STYK1: variants seen among roughly 807,000 people sequenced by gnomAD.
The protein encoded by STYK1 is STY kinase 1, also known as tyrosine-protein kinase STYK1.
A neutral mutation model predicts 48.1 loss-of-function variants in STYK1; 46 were observed. The ratio of observed to expected loss-of-function variants is 0.96; its 90% confidence interval spans 0.75 to 1.22. The LOEUF is 1.22. Among genes scored for constraint, STYK1 ranks in the 50% most tolerant of loss-of-function variants. STYK1 has a pLI of 0.00. For missense variants in STYK1, 527 were observed against 521.1 expected (o/e 1.01, Z -0.11); for synonymous variants, 188 against 189.0 (o/e 0.99, Z 0.04).
chr12:10,649,101 G>A (rs1947631854), intron 1 of STYK1, among the ~76,000 whole-genome samples: 1 of 152,070 alleles, frequency 6.6e-6, no homozygotes, highest in Admixed American at 6.5e-5. Flanking sequence ...AAGAAAATCT[G>A]TGACCCTTAT....
chr12:10,654,453 A>G (rs1947696459), intron 1 of STYK1, among the ~76,000 whole-genome samples: 2 of 152,126 alleles, frequency 1.3e-5, no homozygotes, highest in Non-Finnish European at 2.9e-5. Flanking sequence ...ACCCCTTTCC[A>G]ATAACATCTT....
At chr12:10,638,886 A>G (rs982045158) in intron 1 of STYK1, among the ~76,000 whole-genome samples, 1 of 152,164 alleles carries the variant, frequency 6.6e-6, no homozygotes, top group Non-Finnish European at 1.5e-5. Context: ...CTTCAACCTT[A>G]CTGCTTGCTT....
At chr12:10,636,804 CA>C (rs1947490515) in intron 2 of STYK1, among the ~76,000 whole-genome samples, 1 of 152,164 alleles carries the variant, frequency 6.6e-6, no homozygotes, top group South Asian at 2.1e-4. Context: ...TCTCTTACCA[CA>C]GCACAGGTGG....
At chr12:10,624,265 GA>G (rs559357231) in intron 8 of STYK1, among the ~76,000 whole-genome samples, 26 of 144,068 alleles carry the variant, frequency 1.8e-4, no homozygotes, top group African/African-American at 3.3e-4. Context: ...AAAAAAAAAA[GA>G]AAAAAAAAAT....
chr12:10,630,772 C>T (rs1217730842), intron 5 of STYK1, among the ~76,000 whole-genome samples: 2 of 151,882 alleles, frequency 1.3e-5, no homozygotes, highest in African/African-American at 4.8e-5. Context: ...TAAAAACCCA[C>T]AGCTAACATC....
At chr12:10,649,249 G>C (rs568498421) in intron 1 of STYK1, among the ~76,000 whole-genome samples, 51 of 152,116 alleles carry the variant, frequency 3.4e-4, no homozygotes, top group African/African-American at 1.2e-3. Flanking sequence ...GGATATACAT[G>C]GGAAGTCATT....
intron 10 of STYK1, among the ~76,000 whole-genome samples, chr12:10,621,198 T>A (rs1264241354): frequency 6.6e-6 from 1 of 152,232 alleles, no homozygotes. Context: ...TTTCTTACAT[T>A]CTACAGCAGT....
At chr12:10,653,716 C>T (rs1345840487) in intron 1 of STYK1, among the ~76,000 whole-genome samples, 2 of 151,646 alleles carry the variant, frequency 1.3e-5, no homozygotes, top group Non-Finnish European at 2.9e-5. Context: ...CCGACTGATA[C>T]AGAAAGCAGT....
rs954243226 is a variant in STYK1 at position 10,672,538 on chromosome 12, G to C, written c.-195+1428C>G. On this transcript the variant is annotated intron_variant, in intron 1 of 10. Transcript: ENST00000075503. The surrounding 1 kb of genome is among the most constrained non-coding windows in gnomAD (Gnocchi z 4.0). The stretch of plus-strand genomic sequence containing the variant: ...CAGGTGTGAGCCACCGTGCCCACTA[G>C]CATTAGATTGTCATAGGAGCGTGAA... Among the ~76,000 whole-genome samples the C allele has an allele frequency of 4.6e-5, 7 of 152,136 alleles. No individual in the cohort carries two copies. The highest frequency in any genetic ancestry group is 1.0e-4 in the Non-Finnish European group (7 of 68,028).
Position 10,672,169 on chromosome 12 carries a change from T to C in STYK1, c.-195+1797A>G, listed in dbSNP as rs1565577862. Among the ~76,000 whole-genome samples, 1 of 152,104 alleles carries C rather than the reference T, an allele frequency of 6.6e-6. No individual in the cohort carries two copies. The highest frequency in any genetic ancestry group is 2.4e-5 in the African/African-American group (1 of 41,400). On this transcript the variant is annotated intron_variant, in intron 1 of 10. Coordinates refer to ENST00000075503, the MANE Select transcript of STYK1 (RefSeq NM_018423.3). This position sits in a 1 kb window ranked among gnomAD's most constrained non-coding sequence, Gnocchi z 4.0. Reference sequence around the variant, plus strand: ...TGGAATAGATGCAGGCTTCATAACATGTTAGTTTTGGATAGCCAGCCTACT... The same window carrying C: ...TGGAATAGATGCAGGCTTCATAACACGTTAGTTTTGGATAGCCAGCCTACT...
intron 7 of STYK1, among the ~76,000 whole-genome samples, chr12:10,625,384 A>AT (rs936905830): frequency 4.6e-5 from 7 of 151,874 alleles, no homozygotes; most frequent in South Asian, 2.1e-4. Flanking sequence ...CGCCTGGCTA[A>AT]TTTTTTGTAT....
intron 1 of STYK1, among the ~76,000 whole-genome samples, chr12:10,648,413 G>GA (rs1472248589): frequency 1.3e-5 from 2 of 151,610 alleles, no homozygotes; most frequent in Non-Finnish European, 2.9e-5. Flanking sequence ...ATAGTAATGA[G>GA]AAAACCACTA....
At chr12:10,632,505 C>A (rs1947440829) in intron 4 of STYK1, among the ~76,000 whole-genome samples, 1 of 152,152 alleles carries the variant, frequency 6.6e-6, no homozygotes, top group African/African-American at 2.4e-5. Flanking sequence ...AGGCCCAGAT[C>A]ACATAAGGCC....
rs1028987921 is a variant in STYK1 at position 10,622,032 on chromosome 12, A to C, written c.968-60T>G. On this transcript the variant is annotated intron_variant, in intron 9 of 10. Transcript: ENST00000075503. ...CTCTAAAATATGAACTGTAACTAAC[A>C]CTATTCTTCATCCACTTGGGTTGGT... is the stretch of plus-strand genomic sequence containing the variant. 8 of 1,457,908 alleles carry C rather than the reference A, an allele frequency of 5.5e-6. No individual in the cohort carries two copies. In the African/African-American group the frequency reaches 1.1e-4, roughly 20 times the overall value. 90.3% of individuals were successfully genotyped at this position (1,457,908 alleles called of 1,614,324 possible). A position where few individuals can be genotyped will look rare whatever the true frequency, so the allele number is the denominator to read the frequency against.
intron 1 of STYK1, among the ~76,000 whole-genome samples, chr12:10,666,403 G>T (rs1947833997): frequency 6.6e-6 from 1 of 152,112 alleles, no homozygotes; most frequent in Non-Finnish European, 1.5e-5. Context: ...ACATAATACT[G>T]TCTCCTAAAG....
At chr12:10,628,041 CAT>C (rs1490170828) in intron 6 of STYK1, among the ~76,000 whole-genome samples, 10 of 152,208 alleles carry the variant, frequency 6.6e-5, no homozygotes, top group African/African-American at 2.2e-4. Context: ...TGTGAGCACA[CAT>C]GTGTTCATGA....
At chr12:10,635,243 C>G (rs1408871125) in intron 2 of STYK1, among the ~76,000 whole-genome samples, 1 of 151,824 alleles carries the variant, frequency 6.6e-6, no homozygotes, top group East Asian at 1.9e-4. Flanking sequence ...GCCTCAATCC[C>G]CTGAGTCTCT....
chr12:10,620,383 C>T (rs557407419), intron 10 of STYK1, 35 bp from the exon 11 acceptor site: 12 of 1,603,098 alleles, frequency 7.5e-6, no homozygotes, highest in African/African-American at 1.3e-5. Context: ...ACTTCCTTGA[C>T]AAGGCAAATG....
chr12:10,665,924 T>C (rs902691499), intron 1 of STYK1, among the ~76,000 whole-genome samples: 1 of 152,222 alleles, frequency 6.6e-6, no homozygotes, highest in African/African-American at 2.4e-5. Context: ...TCAGATGGGC[T>C]GGATTTGTGG....
Sources: gnomAD v4.1 joint callset for allele counts (sites outside exome capture counted in the v4.1 genomes callset) on GRCh38, gnomAD v4.1.1 for gene constraint, Gnocchi (gnomAD v3.1) non-coding constraint, MANE v1.5 for transcripts, NCBI Gene and HGNC (gene_info 2026-07-23, HGNC 2026-07-21) for gene names.